The following SPOPL variants were observed in gnomAD, a reference collection of about 807,000 sequenced individuals.
SPOPL encodes speckle-type POZ protein-like.
A neutral mutation model predicts 53.8 loss-of-function variants in SPOPL; 23 were observed. The observed-to-expected ratio is 0.43, with a 90% confidence interval of 0.31 to 0.61. The LOEUF (loss-of-function observed/expected upper bound fraction) is 0.61, where lower values mean the gene tolerates loss of function less well. Among genes scored for constraint, SPOPL ranks in the 20% least tolerant of loss-of-function variants. The pLI, the probability that SPOPL is intolerant of heterozygous loss-of-function variation, is 0.12. For synonymous variants in SPOPL, 164 were observed against 149.7 expected (o/e 1.10, Z -0.70); for missense variants, 442 against 466.9 (o/e 0.95, Z 0.49).
intron 1 of SPOPL, among the ~76,000 whole-genome samples, chr2:138,515,318 TCTTA>T (rs909190539): frequency 2.8e-4 from 42 of 152,364 alleles, no homozygotes; most frequent in African/African-American, 9.9e-4. Context: ...ATGCGCTTGT[TCTTA>T]CTTGACCATC....
chr2:138,507,713 T>C (rs1488344530), intron 1 of SPOPL, among the ~76,000 whole-genome samples: 1 of 152,262 alleles, frequency 6.6e-6, no homozygotes, highest in Non-Finnish European at 1.5e-5. Flanking sequence ...GTTTCTCACT[T>C]GAACTTGTAT....
At chr2:138,539,161 T>C (rs1364519297) in intron 1 of SPOPL, among the ~76,000 whole-genome samples, 1 of 152,248 alleles carries the variant, frequency 6.6e-6, no homozygotes, top group Non-Finnish European at 1.5e-5. Context: ...GTTGGACATT[T>C]GGGTTGGTTC....
chr2:138,549,618 T>C (rs1449734593), intron 1 of SPOPL, among the ~76,000 whole-genome samples: 2 of 152,162 alleles, frequency 1.3e-5, no homozygotes, highest in African/African-American at 4.8e-5. Flanking sequence ...TCAGAGAACC[T>C]GTTGTCTGAG....
At chr2:138,540,669 A>C (rs541164795) in intron 1 of SPOPL, among the ~76,000 whole-genome samples, 4 of 152,348 alleles carry the variant, frequency 2.6e-5, no homozygotes, top group South Asian at 4.1e-4. Flanking sequence ...TTCTAGATAT[A>C]CAATCATGTC....
chr2:138,536,798 G>A (rs1193465069), intron 1 of SPOPL, among the ~76,000 whole-genome samples: 3 of 152,110 alleles, frequency 2.0e-5, no homozygotes, highest in Non-Finnish European at 4.4e-5. Flanking sequence ...TTTTCTCTGG[G>A]AAGAGATTAA....
intron 1 of SPOPL, among the ~76,000 whole-genome samples, chr2:138,506,884 T>G (rs11680891): frequency 0.8 from 122,067 of 152,078 alleles, 49,280 homozygotes; most frequent in Middle Eastern, 0.86. Context: ...AGATAAGGGG[T>G]CTTATGAGTA....
At chr2:138,535,059 T>C (rs1684898048) in intron 1 of SPOPL, among the ~76,000 whole-genome samples, 1 of 152,166 alleles carries the variant, frequency 6.6e-6, no homozygotes, top group Non-Finnish European at 1.5e-5. Flanking sequence ...AGGACCAAAC[T>C]GAGCAACAGT....
At chr2:138,558,946 A>G in intron 5 of SPOPL, 76 bp from the exon 6 acceptor site, 7 of 1,262,142 alleles carry the variant, frequency 5.5e-6, no homozygotes, top group Non-Finnish European at 7.4e-6. Context: ...AAACATAAAA[A>G]ATTGAAGTAT....
chr2:138,535,814 G>C (rs919451770), intron 1 of SPOPL, among the ~76,000 whole-genome samples: 2 of 151,666 alleles, frequency 1.3e-5, no homozygotes, highest in Admixed American at 6.6e-5. Context: ...CTCTGAAGAT[G>C]TTCATTTTTC....
chr2:138,558,191 T>A (rs1379192769), intron 5 of SPOPL, among the ~76,000 whole-genome samples: 4 of 152,090 alleles, frequency 2.6e-5, no homozygotes, highest in Non-Finnish European at 2.9e-5. Flanking sequence ...TAAATTTTTT[T>A]AAAAAGTGGT....
intron 1 of SPOPL, among the ~76,000 whole-genome samples, chr2:138,533,750 G>C (rs1013909747): frequency 1.3e-5 from 2 of 151,904 alleles, no homozygotes; most frequent in African/African-American, 4.8e-5. Flanking sequence ...GCAGTATTTT[G>C]TTATAACATC....
chr2:138,515,171 C>G (rs1024084277), intron 1 of SPOPL, among the ~76,000 whole-genome samples: 3 of 152,174 alleles, frequency 2.0e-5, no homozygotes, highest in Non-Finnish European at 4.4e-5. Flanking sequence ...GACTTTCTGA[C>G]AAATAGTGCA....
chr2:138,502,868 G>A (rs967921203), intron 1 of SPOPL, among the ~76,000 whole-genome samples: 1 of 152,148 alleles, frequency 6.6e-6, no homozygotes, highest in Admixed American at 6.5e-5. Flanking sequence ...TCTCAAAGCA[G>A]TCACACAACC....
Position 138,572,966 on chromosome 2 carries a change from GCATT to G in SPOPL, c.*3889_*3892del, listed in dbSNP as rs1685818697. On this transcript the variant is annotated 3_prime_UTR_variant, in exon 11 of 11. Transcript: ENST00000280098. ...TGTATACTGTAACCCAGTAAATTTT[GCATT>G]CAGTTTTAAAAAATGAAGATGTAAC... The G allele has an allele frequency of 6.6e-6, 1 of 152,170 alleles. No homozygotes were observed. The highest frequency in any genetic ancestry group is 1.9e-4 in the East Asian group (1 of 5,178). 9.4% of individuals were successfully genotyped at this position (152,170 alleles called of 1,614,324 possible). A position where few individuals can be genotyped will look rare whatever the true frequency, so the allele number is the denominator to read the frequency against.
At chr2:138,562,970 T>C (rs12464434) in intron 8 of SPOPL, among the ~76,000 whole-genome samples, 9,387 of 152,126 alleles carry the variant, frequency 0.062, 775 homozygotes, top group East Asian at 0.34. Context: ...CAACTTCTTT[T>C]CTTCGAAAGA....
At chr2:138,515,988 T>A (rs954696485) in intron 1 of SPOPL, among the ~76,000 whole-genome samples, 3 of 152,238 alleles carry the variant, frequency 2.0e-5, no homozygotes, top group Non-Finnish European at 2.9e-5. Context: ...AGAGCTAAGA[T>A]GTCATTCATT....
intron 1 of SPOPL, among the ~76,000 whole-genome samples, chr2:138,525,169 C>T (rs1684642649): frequency 6.6e-6 from 1 of 152,150 alleles, no homozygotes; most frequent in Non-Finnish European, 1.5e-5. Flanking sequence ...ACAATCATGG[C>T]AGAAGGCAAA....
rs1685292169 is a variant in SPOPL, at chr2:138,550,554, A to C, written c.150A>C (p.Glu50Asp). 1 of 1,611,062 alleles carries C rather than the reference A, an allele frequency of 6.2e-7. No individual in the cohort carries two copies. Residue 50 changes from glutamate to aspartate, a missense_variant, in exon 3 of 11, where the codon GAA becomes GAC. Transcript: ENST00000280098. The stretch of plus-strand genomic sequence containing the variant: ...GTTTTTGTCGAGAGGAAATGGGTGA[A>C]GTGTTAAAAAGTTCAACATTTTCAT... Reference protein sequence around the residue: ...NFSFCREEMGEVLKSSTFSSG... With the variant: ...NFSFCREEMGDVLKSSTFSSG...
intron 1 of SPOPL, among the ~76,000 whole-genome samples, chr2:138,529,536 T>TCGCG (rs72375808): frequency 0.031 from 3,008 of 97,612 alleles, 50 homozygotes; most frequent in African/African-American, 0.052. Context: ...GTGTGTGTGT[T>TCGCG]TGCGTGCGCG....
Sources: allele counts gnomAD v4.1 joint callset (sites outside exome capture counted in the v4.1 genomes callset), GRCh38; gene constraint gnomAD v4.1.1; transcripts MANE v1.5; gene names NCBI Gene and HGNC (gene_info 2026-07-23, HGNC 2026-07-21).